Variants in CREB5 observed in about 807,000 individuals in gnomAD.
CREB5 encodes cAMP responsive element binding protein 5, also known as cyclic AMP-responsive element-binding protein 5.
CREB5 carries 19 observed loss-of-function variants against 57.1 expected under a neutral mutation model. The ratio of observed to expected loss-of-function variants is 0.33; its 90% CI spans 0.23 to 0.49. The LOEUF (loss-of-function observed/expected upper bound fraction) is 0.49. CREB5 is among the 20% of genes least tolerant of loss of function. The pLI is 0.99. For missense variants in CREB5, 579 were observed against 671.6 expected (o/e 0.86, Z 1.52); for synonymous variants, 238 against 238.3 (o/e 1.00, Z 0.01).
intron 1 of CREB5, among the ~76,000 whole-genome samples, chr7:28,443,718 C>T (rs1583467818): frequency 6.6e-6 from 1 of 152,170 alleles, no homozygotes; most frequent in East Asian, 1.9e-4. Context: ...ACCCACTTAA[C>T]CCCTCTCCTC....
chr7:28,686,137 A>T, intron 5 of CREB5: 5 of 1,613,730 alleles, frequency 3.1e-6, no homozygotes, highest in Non-Finnish European at 4.2e-6. Flanking sequence ...ACACACACTC[A>T]TTCCAGAGCT....
chr7:28,682,042 G>A (rs1800622008), intron 5 of CREB5, among the ~76,000 whole-genome samples: 1 of 152,182 alleles, frequency 6.6e-6, no homozygotes, highest in South Asian at 2.1e-4. Context: ...TCCTTTGTTT[G>A]AGACACATTC....
chr7:28,603,803 TG>T (rs1389987546), intron 5 of CREB5, among the ~76,000 whole-genome samples: 2 of 152,160 alleles, frequency 1.3e-5, no homozygotes, highest in Non-Finnish European at 2.9e-5. Context: ...GAAAACAGTG[TG>T]GAAGTTTTGC....
At chr7:28,571,127 G>C (rs1795685961) in intron 5 of CREB5, among the ~76,000 whole-genome samples, 1 of 152,136 alleles carries the variant, frequency 6.6e-6, no homozygotes, top group East Asian at 1.9e-4. Flanking sequence ...TGTGGACACG[G>C]TGGACAGGAG....
At chr7:28,408,261 G>T (rs1457449529), upstream of CREB5, among the ~76,000 whole-genome samples, 1 of 152,228 alleles carries the variant, frequency 6.6e-6, no homozygotes, top group Non-Finnish European at 1.5e-5. Flanking sequence ...GTTGGTGTGA[G>T]AAACAAGGGA....
At chr7:28,728,441 G>A (rs148033208) in intron 7 of CREB5, among the ~76,000 whole-genome samples, 333 of 152,250 alleles carry the variant, frequency 2.2e-3, no homozygotes, top group African/African-American at 7.5e-3. Context: ...GATTCCCTTG[G>A]GTTAATTTAT....
chr7:28,368,160 G>T (rs945961850), intron 1 of CREB5, among the ~76,000 whole-genome samples: 7 of 152,136 alleles, frequency 4.6e-5, no homozygotes, highest in African/African-American at 9.7e-5. Context: ...ACCAAATACC[G>T]CATGTTCTCA....
intron 1 of CREB5, among the ~76,000 whole-genome samples, chr7:28,425,892 A>G (rs1369024322): frequency 1.3e-5 from 2 of 152,174 alleles, no homozygotes; most frequent in Admixed American, 6.5e-5. Context: ...TAATTTTCAA[A>G]TTGTTCAAAC....
chr7:28,507,518 A>T lies in CREB5; in HGVS notation c.170-98A>T, dbSNP rs1209683264. ...GACTGGATGGCTAGTGGACATTTTA[A>T]TTAAGGCAAGGGGAGGGGATTAGTG... On this transcript the variant is annotated intron_variant, in intron 3 of 10. Coordinates refer to ENST00000357727, the MANE Select transcript of CREB5 (RefSeq NM_182898.4). 5.0e-6 allele frequency: 7 copies of T among 1,413,938 alleles called. No individual in the cohort carries two copies. The East Asian group carries it at 1.4e-4, about 29-fold the overall frequency. 87.6% of individuals were successfully genotyped at this position (1,413,938 alleles called of 1,614,324 possible). A position where few individuals can be genotyped will look rare whatever the true frequency, so the allele number is the denominator to read the frequency against.
intron 4 of CREB5, among the ~76,000 whole-genome samples, chr7:28,523,046 T>G (rs1236859913): frequency 6.6e-6 from 1 of 152,086 alleles, no homozygotes; most frequent in Non-Finnish European, 1.5e-5. Context: ...GAACATTTGG[T>G]GAGTGAAGAG....
chr7:28,502,167 T>C (rs1323530755), intron 3 of CREB5, among the ~76,000 whole-genome samples: 1 of 152,194 alleles, frequency 6.6e-6, no homozygotes, highest in Non-Finnish European at 1.5e-5. Flanking sequence ...CTATTATATA[T>C]TCACACTCAA....
chr7:28,334,589 T>C (rs1008253187), intron 1 of CREB5, among the ~76,000 whole-genome samples: 2 of 152,222 alleles, frequency 1.3e-5, no homozygotes, highest in Non-Finnish European at 2.9e-5. Context: ...TTATATACTC[T>C]GGTTATTAAT....
intron 5 of CREB5, among the ~76,000 whole-genome samples, chr7:28,672,224 A>G (rs1319726708): frequency 2.1e-5 from 3 of 144,862 alleles, no homozygotes; most frequent in Non-Finnish European, 4.6e-5. Context: ...CAAACACTGG[A>G]CTAGGTTTTA....
At chr7:28,457,174 C>A (rs1434350788) in intron 1 of CREB5, among the ~76,000 whole-genome samples, 1 of 152,206 alleles carries the variant, frequency 6.6e-6, no homozygotes, top group Non-Finnish European at 1.5e-5. Flanking sequence ...TTAATTCATT[C>A]ATGAGGATGA....
chr7:28,403,415 A>G (rs537972733), intron 1 of CREB5, among the ~76,000 whole-genome samples: 9 of 152,334 alleles, frequency 5.9e-5, no homozygotes, highest in Admixed American at 2.0e-4. Flanking sequence ...CTTACAGGGC[A>G]TAATAATATC....
chr7:28,741,430 C>T (rs1562609401), intron 7 of CREB5, among the ~76,000 whole-genome samples: 2 of 152,012 alleles, frequency 1.3e-5, no homozygotes, highest in Non-Finnish European at 2.9e-5. Context: ...CTGAGGCAGC[C>T]ACCTGGACTT....
chr7:28,345,360 GAC>G (rs1241217786), intron 1 of CREB5, among the ~76,000 whole-genome samples: 1 of 150,950 alleles, frequency 6.6e-6, no homozygotes, highest in Non-Finnish European at 1.5e-5. Flanking sequence ...TCAAAATCAT[GAC>G]AAGTATTGTT....
At chr7:28,603,949 A>G (rs1453981122) in intron 5 of CREB5, among the ~76,000 whole-genome samples, 1 of 152,174 alleles carries the variant, frequency 6.6e-6, no homozygotes, top group African/African-American at 2.4e-5. Flanking sequence ...GGCAGTGCTT[A>G]TGTAAGAATA....
intron 1 of CREB5, among the ~76,000 whole-genome samples, chr7:28,458,995 G>A (rs762724532): frequency 2.6e-5 from 4 of 152,134 alleles, no homozygotes; most frequent in Admixed American, 6.5e-5. Context: ...GGGCTGGGTC[G>A]ATGTTGTGCA....
Sources: allele counts gnomAD v4.1 joint callset (sites outside exome capture counted in the v4.1 genomes callset), GRCh38; gene constraint gnomAD v4.1.1; transcripts MANE v1.5; gene names NCBI Gene and HGNC (gene_info 2026-07-23, HGNC 2026-07-21).